The following MDGA1 variants were observed in gnomAD, a reference collection of about 807,000 sequenced individuals.
The protein encoded by MDGA1 is MAM domain-containing glycosylphosphatidylinositol anchor protein 1.
Under a neutral mutation model 101.5 loss-of-function variants are expected in MDGA1, and 54 were observed. The ratio of observed to expected loss-of-function variants is 0.53; its 90% CI spans 0.43 to 0.67. The LOEUF is 0.67. Among genes scored for constraint, MDGA1 ranks in the 30% least tolerant of loss-of-function variants. The pLI is 0.00. For missense variants in MDGA1, 1,083 were observed against 1,323.8 expected, an observed-to-expected ratio of 0.82 and a Z score of 2.82; for synonymous variants, 533 against 558.3, an observed-to-expected ratio of 0.95 and a Z score of 0.64.
intron 12 of MDGA1, among the ~76,000 whole-genome samples, chr6:37,645,490 T>A (rs2114007886): frequency 6.6e-6 from 1 of 152,224 alleles, no homozygotes; most frequent in South Asian, 2.1e-4. Context: ...GAGCCGAGAC[T>A]GTGCTACTAC....
Position 37,652,719 on chromosome 6 carries a change from T to C in MDGA1, c.983-379A>G, listed in dbSNP as rs1442550761. Among the ~76,000 whole-genome samples the C allele has an allele frequency of 2.0e-5, 3 of 152,254 alleles. No homozygotes were observed. The highest frequency in any genetic ancestry group is 7.2e-5 in the African/African-American group (3 of 41,472). ...TGAGGCTCAGACAGCTTAAGTAACTTGCCCAAAAAAGTAGCCAATCTTGAA... is the reference window on the plus strand; with the variant it reads ...TGAGGCTCAGACAGCTTAAGTAACTCGCCCAAAAAAGTAGCCAATCTTGAA... On this transcript the variant is annotated intron_variant, in intron 6 of 16. Transcript: ENST00000434837. The surrounding 1 kb of genome is among the most constrained non-coding windows in gnomAD (Gnocchi z 4.3).
intron 1 of MDGA1, among the ~76,000 whole-genome samples, chr6:37,686,728 G>A (rs182752432): frequency 2.0e-5 from 3 of 152,248 alleles, no homozygotes; most frequent in East Asian, 1.9e-4. Flanking sequence ...AGCCTAGCCA[G>A]CATCAGGACT....
Position 37,652,310 on chromosome 6 carries a change from G to A in MDGA1, c.1013C>T (p.Pro338Leu). 6.2e-7 allele frequency: 1 copy of A among 1,613,358 alleles called. No individual in the cohort carries two copies. ...SMKNATFQIT[P>L]DVIKESENIQ... ...GTTCTCACTCTCTTTGATCACGTCA[G>A]GAGTGATCTGGAATGTAGCGTTCTT... Residue 338 changes from proline to leucine, a missense_variant, in exon 7 of 17, where the codon CCT becomes CTT. By Grantham distance (98) the Pro-to-Leu change is moderately conservative. Transcript: ENST00000434837. The surrounding 1 kb of genome is among the most constrained non-coding windows in gnomAD (Gnocchi z 4.3).
Position 37,636,677 on chromosome 6 carries a change from C to G in MDGA1, c.*691G>C, listed in dbSNP as rs995078059. On this transcript the variant is annotated 3_prime_UTR_variant, in exon 17 of 17. Coordinates refer to ENST00000434837, the MANE Select transcript of MDGA1 (RefSeq NM_153487.4). ...GCTGGGTCCCTTCAAAGGGTGCACA[C>G]TGAGGAGGGAAATATGGTGTCCCAG... is the stretch of plus-strand genomic sequence containing the variant. 3.3e-5 allele frequency: 5 copies of G among 152,740 alleles called. No homozygotes were observed. The highest frequency in any genetic ancestry group is 7.3e-5 in the Non-Finnish European group (5 of 68,114). 9.5% of individuals were successfully genotyped at this position (152,740 alleles called of 1,614,324 possible). A position where few individuals can be genotyped will look rare whatever the true frequency, so the allele number is the denominator to read the frequency against.
chr6:37,692,072 C>T (rs1370567354), intron 1 of MDGA1, among the ~76,000 whole-genome samples: 3 of 152,184 alleles, frequency 2.0e-5, no homozygotes, highest in Non-Finnish European at 4.4e-5. Flanking sequence ...TTCCAGAAGG[C>T]CCTAAGGAAC....
At chr6:37,649,684 A>G (rs1291335805) in intron 8 of MDGA1, among the ~76,000 whole-genome samples, 2 of 152,130 alleles carry the variant, frequency 1.3e-5, no homozygotes, top group African/African-American at 4.8e-5. Context: ...CCCTGTTTGT[A>G]AAAATGGGGG....
At chr6:37,640,884 G>A (rs1390664034) in intron 14 of MDGA1, among the ~76,000 whole-genome samples, 1 of 152,164 alleles carries the variant, frequency 6.6e-6, no homozygotes, top group Admixed American at 6.5e-5. Flanking sequence ...GGGCTGGTGA[G>A]GATCCTGGAA....
At chr6:37,691,409 G>A (rs2114111544) in intron 1 of MDGA1, among the ~76,000 whole-genome samples, 1 of 152,258 alleles carries the variant, frequency 6.6e-6, no homozygotes, top group South Asian at 2.1e-4. Flanking sequence ...AAAATGCCTG[G>A]TAAGTCATGT....
chr6:37,686,917 C>G (rs1178552970), intron 1 of MDGA1, among the ~76,000 whole-genome samples: 1 of 152,166 alleles, frequency 6.6e-6, no homozygotes, highest in East Asian at 1.9e-4. Context: ...CTGGGGGGTC[C>G]TTATGCTGCT....
intron 1 of MDGA1, among the ~76,000 whole-genome samples, chr6:37,679,152 A>G (rs969912444): frequency 6.6e-6 from 1 of 152,164 alleles, no homozygotes; most frequent in Non-Finnish European, 1.5e-5. Context: ...TAGAAACCAC[A>G]TAAGTGGCAG....
intron 1 of MDGA1, among the ~76,000 whole-genome samples, chr6:37,689,147 C>A (rs1762257515): frequency 6.6e-6 from 1 of 152,166 alleles, no homozygotes; most frequent in Admixed American, 6.5e-5. Flanking sequence ...CTGTCACAGA[C>A]CCTCGGGTCA....
At chr6:37,680,227 T>C (rs190105918) in intron 1 of MDGA1, among the ~76,000 whole-genome samples, 9 of 152,280 alleles carry the variant, frequency 5.9e-5, no homozygotes, top group African/African-American at 1.9e-4. Context: ...AGAATCCTCC[T>C]CTCCAGCTGC....
intron 9 of MDGA1, chr6:37,648,091 C>T (rs1339130457): frequency 3.9e-5 from 6 of 152,420 alleles, no homozygotes; most frequent in African/African-American, 1.4e-4. Context: ...CCTCCCTCAC[C>T]ACCACCTCCA....
At position 37,648,975 on chromosome 6, in the gene MDGA1, C is replaced by A. The variant is rs1473189312; in HGVS notation, c.1894+7G>T. On this transcript the variant is annotated splice_region_variant and intron_variant, in intron 9 of 16. Coordinates refer to ENST00000434837, the MANE Select transcript of MDGA1 (RefSeq NM_153487.4). ...GGTAGGTGGGGCGGGACCCACTGGA[C>A]GCTCACCGGAGACCTGGAAGAGGCA... 2 of 1,550,802 alleles carry A rather than the reference C, an allele frequency of 1.3e-6. No individual in the cohort carries two copies.
At chr6:37,647,603 CAG>C (rs1301090276) in intron 9 of MDGA1, among the ~76,000 whole-genome samples, 7 of 150,370 alleles carry the variant, frequency 4.7e-5, no homozygotes, top group Non-Finnish European at 1.0e-4. Context: ...GAGAAAAAAA[CAG>C]AGTAAAGAGA....
chr6:37,685,308 A>T (rs1479221696), intron 1 of MDGA1, among the ~76,000 whole-genome samples: 1 of 152,184 alleles, frequency 6.6e-6, no homozygotes, highest in Non-Finnish European at 1.5e-5. Flanking sequence ...TTAAAAAAAA[A>T]AAAATCACTT....
At position 37,652,033 on chromosome 6, in the gene MDGA1, C is replaced by T. The variant is rs769525138; in HGVS notation, c.1290G>A (p.Glu430=). Residue 430 remains glutamate (E), a synonymous_variant, in exon 7 of 17, where the codon GAG becomes GAA. Transcript: ENST00000434837. The surrounding 1 kb of genome is among the most constrained non-coding windows in gnomAD (Gnocchi z 4.3). ...CACCTGTCTCAGAGGAGATGTTGACCTCGACGCTGAGGTCGGGCACGGGTG... is the reference window on the plus strand; with the variant it reads ...CACCTGTCTCAGAGGAGATGTTGACTTCGACGCTGAGGTCGGGCACGGGTG... The part of the protein sequence containing the change: ...PGAPVPDLSV[E]VNISSETVPP... 5.0e-6 allele frequency: 8 copies of T among 1,601,930 alleles called. No individual in the cohort carries two copies. Among genetic ancestry groups the T allele is most frequent in the Non-Finnish European group, 6.8e-6 (8 of 1,175,830 alleles).
intron 3 of MDGA1, 138 bp from the exon 4 acceptor site, chr6:37,656,034 C>T (rs1761479309): frequency 6.1e-6 from 4 of 658,854 alleles, no homozygotes; most frequent in Non-Finnish European, 7.6e-6. Flanking sequence ...CTCAGCCCTG[C>T]AAGCTTAACT....
intron 1 of MDGA1, among the ~76,000 whole-genome samples, chr6:37,668,676 C>T (rs964867624): frequency 6.6e-6 from 1 of 152,102 alleles, no homozygotes; most frequent in Non-Finnish European, 1.5e-5. Flanking sequence ...AACTGTAATG[C>T]TAAAGACAGA....
Sources: gnomAD v4.1 joint callset for allele counts (sites outside exome capture counted in the v4.1 genomes callset) on GRCh38, gnomAD v4.1.1 for gene constraint, Gnocchi (gnomAD v3.1) non-coding constraint, MANE v1.5 for transcripts, NCBI Gene and HGNC (gene_info 2026-07-23, HGNC 2026-07-21) for gene names.